SHC4: variants seen among roughly 807,000 people sequenced by gnomAD.
SHC4 encodes SHC adaptor protein 4.
A neutral mutation model predicts 69.4 loss-of-function variants in SHC4; 41 were observed. The observed-to-expected ratio is 0.59, with a 90% CI of 0.46 to 0.77. The LOEUF is 0.77. SHC4 is among the 30% of genes least tolerant of loss of function. SHC4 has a pLI of 0.00. For missense variants in SHC4, 777 were observed against 783.8 expected (o/e 0.99, Z 0.10); for synonymous variants, 318 against 299.3 (o/e 1.06, Z -0.64).
intron 1 of SHC4, among the ~76,000 whole-genome samples, chr15:48,935,423 T>C (rs1901049655): frequency 6.6e-6 from 1 of 152,156 alleles, no homozygotes; most frequent in Admixed American, 6.6e-5. Flanking sequence ...GTCTTAGTCA[T>C]CATTATGCCC....
Position 48,962,767 on chromosome 15 carries a change from C to T in SHC4, c.249G>A (p.Leu83=), listed in dbSNP as rs772204670. The change falls in exon 1 of 12, where the codon CTG becomes CTA. Residue 83 remains leucine, a synonymous_variant. Coordinates refer to ENST00000332408, the MANE Select transcript of SHC4 (RefSeq NM_203349.4). ...TTGCCATGCGGGGGATCAAGGTGCA[C>T]AGTGGGGTGGGGCTCTCCTGCGACG... ...TLPSQESPTP[L]CTLIPRMASM... 6.2e-7 allele frequency: 1 copy of T among 1,612,830 alleles called. No homozygotes were observed. Among genetic ancestry groups the T allele is most frequent in the South Asian group, 1.1e-5 (1 of 91,052 alleles).
At chr15:48,845,065 T>C (rs1307692923) in intron 9 of SHC4, among the ~76,000 whole-genome samples, 1 of 152,234 alleles carries the variant, frequency 6.6e-6, no homozygotes, top group Non-Finnish European at 1.5e-5. Context: ...GCTAGCCATA[T>C]AGCTAGCCAT....
chr15:48,865,908 T>C (rs1463018928), intron 6 of SHC4, among the ~76,000 whole-genome samples: 1 of 152,176 alleles, frequency 6.6e-6, no homozygotes, highest in Non-Finnish European at 1.5e-5. Context: ...GCCTCTCCTG[T>C]TTCACTTAAG....
At chr15:48,927,729 A>G (rs918354955) in intron 1 of SHC4, among the ~76,000 whole-genome samples, 2 of 152,072 alleles carry the variant, frequency 1.3e-5, no homozygotes, top group Non-Finnish European at 2.9e-5. Flanking sequence ...TGCACTTGAC[A>G]TTCTGTCCGC....
intron 6 of SHC4, among the ~76,000 whole-genome samples, chr15:48,863,623 T>C (rs1423303935): frequency 1.3e-5 from 2 of 152,200 alleles, no homozygotes; most frequent in Admixed American, 6.5e-5. Flanking sequence ...AATGATCAAA[T>C]TGCTCTTTAA....
intron 6 of SHC4, among the ~76,000 whole-genome samples, chr15:48,865,712 G>A (rs958220130): frequency 2.6e-5 from 4 of 152,122 alleles, no homozygotes; most frequent in Admixed American, 2.0e-4. Context: ...CTGAAACCTT[G>A]ATTTGGACTG....
At position 48,962,543 on chromosome 15, in the gene SHC4, A is replaced by G; in HGVS notation, c.473T>C (p.Leu158Pro). 6.2e-7 allele frequency: 1 copy of G among 1,606,256 alleles called. No homozygotes were observed. Among genetic ancestry groups the G allele is most frequent in the Non-Finnish European group, 8.5e-7 (1 of 1,175,630 alleles). Residue 158 changes from leucine (L) to proline (P), a missense_variant, in exon 1 of 12, where the codon CTA becomes CCA. Physicochemically the swap from Leu to Pro is moderately conservative, Grantham distance 98. Transcript: ENST00000332408. ...QDLVGHRATA[L>P]TPDSCPLPGP... ...AGGAAGCGGGCACGAATCAGGGGTT[A>G]GGGCGGTTGCCCTGTGTCCCACCAG...
intron 6 of SHC4, among the ~76,000 whole-genome samples, chr15:48,862,559 GA>G (rs1899466975): frequency 6.6e-6 from 1 of 152,126 alleles, no homozygotes; most frequent in Non-Finnish European, 1.5e-5. Flanking sequence ...GGAAGAGTGG[GA>G]AGCTTCGGGA....
At chr15:48,863,972 T>C (rs1024235437) in intron 6 of SHC4, among the ~76,000 whole-genome samples, 1 of 152,208 alleles carries the variant, frequency 6.6e-6, no homozygotes, top group Non-Finnish European at 1.5e-5. Context: ...GCTGTGAGGA[T>C]GAAATGAGAT....
chr15:48,891,109 T>C lies in SHC4; in HGVS notation c.657-298A>G, dbSNP rs146082719. Among the ~76,000 whole-genome samples, 796 of 152,318 alleles carry C rather than the reference T, an allele frequency of 5.2e-3. 4 individuals carry two copies. The highest frequency in any genetic ancestry group is 0.02 in the South Asian group (95 of 4,824). On this transcript the variant is annotated intron_variant, in intron 2 of 11. Coordinates refer to ENST00000332408, the MANE Select transcript of SHC4 (RefSeq NM_203349.4). ...TTTTGTTTATTGTGTTGTTGATTTT[T>C]AACCAAAAAGGAGGGGCAGGGCATT...
intron 6 of SHC4, among the ~76,000 whole-genome samples, chr15:48,866,743 A>G (rs1317268953): frequency 6.6e-6 from 1 of 152,126 alleles, no homozygotes; most frequent in African/African-American, 2.4e-5. Flanking sequence ...TCGGTGTCTT[A>G]TAGCTCTCTA....
At chr15:48,940,125 CCA>C (rs1901147976) in intron 1 of SHC4, among the ~76,000 whole-genome samples, 2 of 152,224 alleles carry the variant, frequency 1.3e-5, no homozygotes, top group South Asian at 4.1e-4. Context: ...AACATATCCA[CCA>C]TCAAGTTGGT....
chr15:48,834,661 G>C (rs1898866541), intron 11 of SHC4, 108 bp downstream of exon 11: 1 of 1,484,606 alleles, frequency 6.7e-7, no homozygotes, highest in African/African-American at 1.4e-5. Context: ...TCCAGAAAAA[G>C]CAAATACTTA....
chr15:48,932,652 G>A (rs1311100074), intron 1 of SHC4, among the ~76,000 whole-genome samples: 1 of 151,974 alleles, frequency 6.6e-6, no homozygotes, highest in Non-Finnish European at 1.5e-5. Context: ...CATTCACAAG[G>A]AAATGCAAAG....
chr15:48,956,771 T>C (rs1418601855), intron 1 of SHC4, among the ~76,000 whole-genome samples: 1 of 152,200 alleles, frequency 6.6e-6, no homozygotes, highest in Non-Finnish European at 1.5e-5. Flanking sequence ...AATGCATCCC[T>C]GAAGGACATT....
intron 11 of SHC4, among the ~76,000 whole-genome samples, chr15:48,828,441 G>T (rs1388058692): frequency 1.3e-5 from 2 of 152,104 alleles, no homozygotes; most frequent in Non-Finnish European, 2.9e-5. Context: ...TGACTATTGT[G>T]AATAATGCTG....
intron 6 of SHC4, among the ~76,000 whole-genome samples, chr15:48,860,690 A>T (rs905944773): frequency 1.3e-5 from 2 of 152,200 alleles, no homozygotes; most frequent in Non-Finnish European, 2.9e-5. Context: ...AAATAAGAAA[A>T]GCTAAATTGT....
chr15:48,958,219 C>A (rs1901485752), intron 1 of SHC4, among the ~76,000 whole-genome samples: 1 of 152,204 alleles, frequency 6.6e-6, no homozygotes, highest in Non-Finnish European at 1.5e-5. Flanking sequence ...AGGCAAGTTC[C>A]ATGGGCTGGT....
intron 2 of SHC4, among the ~76,000 whole-genome samples, chr15:48,922,201 C>A (rs1900764268): frequency 6.6e-6 from 1 of 152,150 alleles, no homozygotes; most frequent in African/African-American, 2.4e-5. Flanking sequence ...TAGTCTGTTT[C>A]CCCAGCAACA....
Sources: allele counts gnomAD v4.1 joint callset (sites outside exome capture counted in the v4.1 genomes callset), GRCh38; gene constraint gnomAD v4.1.1; transcripts MANE v1.5; gene names NCBI Gene and HGNC (gene_info 2026-07-23, HGNC 2026-07-21).